Variants in CGGBP1 observed in about 807,000 individuals in gnomAD.
CGGBP1 encodes CGG triplet repeat-binding protein 1.
In CGGBP1, 4 loss-of-function variants were observed where a neutral mutation model predicts 11.4. The observed-to-expected ratio is 0.35, with a 90% CI of 0.17 to 0.80. The LOEUF (loss-of-function observed/expected upper bound fraction) is 0.80. CGGBP1 is among the 30% of genes least tolerant of loss of function. The pLI is 0.52. For synonymous variants in CGGBP1, 76 were observed against 74.1 expected, an observed-to-expected ratio of 1.03 and a Z score of -0.13; for missense variants, 135 against 202.1, an observed-to-expected ratio of 0.67 and a Z score of 2.01.
rs542395989 is a variant in CGGBP1, at chr3:88,122,668, G to A, written c.-229+18302C>T. Among the ~76,000 whole-genome samples the A allele has an allele frequency of 1.6e-3, 244 of 152,254 alleles. 2 individuals carry two copies. Among genetic ancestry groups the A allele is most frequent in the Non-Finnish European group, 2.9e-3 (196 of 68,012 alleles). ...GACTGATGACTTAATAAAGGATTAA[G>A]TTGATATAGAGGCACAATTTATTAT... On this transcript the variant is annotated intron_variant, in intron 2 of 3. Coordinates refer to the CGGBP1 transcript ENST00000462901.
intron 2 of CGGBP1, among the ~76,000 whole-genome samples, chr3:88,066,788 T>G (rs1401210438): frequency 6.6e-6 from 1 of 152,074 alleles, no homozygotes; most frequent in Non-Finnish European, 1.5e-5. Context: ...ACCTTAAAAA[T>G]TACAAACAAA....
chr3:88,079,882 A>G (rs948599172), intron 2 of CGGBP1, among the ~76,000 whole-genome samples: 22 of 152,050 alleles, frequency 1.4e-4, no homozygotes, highest in African/African-American at 4.8e-4. Context: ...GTTGCTTGCT[A>G]CTGTAGATTA....
chr3:88,064,640 A>C (rs1394288989), intron 2 of CGGBP1, among the ~76,000 whole-genome samples: 1 of 152,136 alleles, frequency 6.6e-6, no homozygotes, highest in Non-Finnish European at 1.5e-5. Context: ...CTTGGCTTTC[A>C]GTTTCTTGGG....
At chr3:88,086,297 C>G in intron 2 of CGGBP1, 1 of 1,534,236 alleles carries the variant, frequency 6.5e-7, no homozygotes, top group Non-Finnish European at 8.7e-7. Flanking sequence ...GTCCCTTTGC[C>G]ACAGCTTCAG....
chr3:88,141,617 GC>G, intron 1 of CGGBP1: 2 of 1,450,186 alleles, frequency 1.4e-6, no homozygotes, highest in Non-Finnish European at 1.9e-6. Flanking sequence ...AATAAAACTT[GC>G]ATTAACAGAT....
At chr3:88,121,317 C>T (rs746356517) in intron 2 of CGGBP1, among the ~76,000 whole-genome samples, 1 of 151,972 alleles carries the variant, frequency 6.6e-6, no homozygotes, top group Non-Finnish European at 1.5e-5. Context: ...ATTTTTTCAA[C>T]AGAAAATTCT....
intron 1 of CGGBP1, among the ~76,000 whole-genome samples, chr3:88,149,224 C>T (rs1707362632): frequency 6.6e-6 from 1 of 152,168 alleles, no homozygotes; most frequent in African/African-American, 2.4e-5. Context: ...GCCCCCACAG[C>T]CCCAAGAGGT....
intron 2 of CGGBP1, among the ~76,000 whole-genome samples, chr3:88,116,580 G>T: frequency 2.1e-5 from 1 of 46,772 alleles, no homozygotes. Context: ...ACACACACAT[G>T]CACATATATT....
At chr3:88,073,488 AGTATCCCAGAAAAG>A (rs1707629919) in intron 2 of CGGBP1, among the ~76,000 whole-genome samples, 1 of 152,228 alleles carries the variant, frequency 6.6e-6, no homozygotes, top group African/African-American at 2.4e-5. Context: ...AAGCTATCGA[AGTATCCCAGAAAAG>A]GAATTGAGGG....
At chr3:88,133,017 CTG>C (rs1315122779) in intron 2 of CGGBP1, among the ~76,000 whole-genome samples, 1 of 152,160 alleles carries the variant, frequency 6.6e-6, no homozygotes, top group African/African-American at 2.4e-5. Context: ...TTTTCAAAAT[CTG>C]TTTCTTTTCT....
chr3:88,134,959 T>C, intron 2 of CGGBP1: 1 of 796,804 alleles, frequency 1.3e-6, no homozygotes, highest in Non-Finnish European at 1.8e-6. Flanking sequence ...TTTACACTCA[T>C]ATACATCCCA....
chr3:88,086,939 C>G (rs1426478846), intron 2 of CGGBP1, among the ~76,000 whole-genome samples: 1 of 152,122 alleles, frequency 6.6e-6, no homozygotes, highest in East Asian at 1.9e-4. Flanking sequence ...CCCGCCACCA[C>G]GCCTGGCTAA....
chr3:88,055,242 G>A lies in CGGBP1; in HGVS notation c.*231C>T. 2.7e-6 allele frequency: 1 copy of A among 373,054 alleles called. No homozygotes were observed. The highest frequency in any genetic ancestry group is 2.1e-5 in the African/African-American group (1 of 48,160). The allele number at this position is 373,054 out of a possible 1,614,324, so 23.1% of individuals were successfully genotyped here. On this transcript the variant is annotated 3_prime_UTR_variant, in exon 4 of 4. Transcript: ENST00000482016. This position sits in a 1 kb window ranked among gnomAD's most constrained non-coding sequence, Gnocchi z 4.2. ...TTTAAAGATAACCATCAGGTTTCAGGTATCCTAGCACACTCTAAACCTAGG... is the reference window on the plus strand; with the variant it reads ...TTTAAAGATAACCATCAGGTTTCAGATATCCTAGCACACTCTAAACCTAGG...
At chr3:88,108,488 A>G (rs780442808) in intron 2 of CGGBP1, among the ~76,000 whole-genome samples, 4 of 152,200 alleles carry the variant, frequency 2.6e-5, no homozygotes, top group Non-Finnish European at 5.9e-5. Context: ...ATAGTCAACC[A>G]TGGTCCAAAA....
chr3:88,105,695 AT>A (rs573422927), intron 2 of CGGBP1, among the ~76,000 whole-genome samples: 4 of 151,762 alleles, frequency 2.6e-5, no homozygotes. Context: ...CAATCTTCTG[AT>A]TTTTTTTGAC....
chr3:88,141,659 C>T (rs7432838), intron 1 of CGGBP1: 1,280,657 of 1,498,578 alleles, frequency 0.85, 548,670 homozygotes, highest in East Asian at 0.95. Context: ...CTGATGAAAA[C>T]GGTTCAGAAA....
In CGGBP1 at chr3:88,140,024, C is replaced by T. The variant is rs753558140; in HGVS notation, c.-229+946G>A. The T allele has an allele frequency of 4.3e-6, 7 of 1,613,554 alleles. No individual in the cohort carries two copies. The South Asian group carries it at 7.7e-5, about 18-fold the overall frequency. On this transcript the variant is annotated intron_variant, in intron 2 of 3. Transcript: ENST00000462901. ...TGCGACAAACAGTAATGAAGTGGAGCAAAGGAAAATGCAAATTTTGTCAAA... is the reference window on the plus strand; with the variant it reads ...TGCGACAAACAGTAATGAAGTGGAGTAAAGGAAAATGCAAATTTTGTCAAA...
In CGGBP1 at chr3:88,055,896, G is replaced by A; in HGVS notation, c.81C>T (p.Val27=). The A allele has an allele frequency of 1.2e-6, 2 of 1,614,154 alleles. No homozygotes were observed. The highest frequency in any genetic ancestry group is 1.7e-6 in the Non-Finnish European group (2 of 1,180,018). ...TALYVTPLDR[V]TEFGGELHED... is the part of the protein sequence containing the mutation. Reference sequence around the variant, plus strand: ...CATGCAGCTCACCTCCAAACTCAGTGACTCGATCCAGGGGAGTCACATACA... The same window carrying A: ...CATGCAGCTCACCTCCAAACTCAGTAACTCGATCCAGGGGAGTCACATACA... Residue 27 remains valine, a synonymous_variant, in exon 4 of 4, where the codon GTC becomes GTT. Coordinates refer to ENST00000482016, the MANE Select transcript of CGGBP1 (RefSeq NM_001008390.2). The surrounding 1 kb of genome is among the most constrained non-coding windows in gnomAD (Gnocchi z 4.2).
At chr3:88,140,191 T>G (rs7653652) in intron 2 of CGGBP1, 1 of 1,613,616 alleles carries the variant, frequency 6.2e-7, no homozygotes, top group South Asian at 1.1e-5. Flanking sequence ...AGTCACAGGA[T>G]ATTTCAGGCT....
Sources: gnomAD v4.1 joint callset for allele counts (sites outside exome capture counted in the v4.1 genomes callset) on GRCh38, gnomAD v4.1.1 for gene constraint, Gnocchi (gnomAD v3.1) non-coding constraint, MANE v1.5 for transcripts, NCBI Gene and HGNC (gene_info 2026-07-23, HGNC 2026-07-21) for gene names.